ATOH8: variants seen among roughly 807,000 people sequenced by gnomAD.
ATOH8 encodes the protein atonal bHLH transcription factor 8.
ATOH8 carries 9 observed loss-of-function variants against 21.2 expected under a neutral mutation model. The observed-to-expected ratio is 0.42, with a 90% CI of 0.26 to 0.74. The LOEUF is 0.74. ATOH8 is among the 30% of genes least tolerant of loss of function. ATOH8 has a pLI of 0.24. For missense variants in ATOH8, 524 were observed against 470.9 expected, an observed-to-expected ratio of 1.11 and a Z score of -1.04; for synonymous variants, 253 against 224.0, an observed-to-expected ratio of 1.13 and a Z score of -1.16.
intron 2 of ATOH8, among the ~76,000 whole-genome samples, chr2:85,778,795 C>A (rs1680404985): frequency 1.3e-5 from 2 of 152,200 alleles, no homozygotes; most frequent in Non-Finnish European, 2.9e-5. Flanking sequence ...CTGATGGGGA[C>A]CCTCCACCGT....
intron 2 of ATOH8, among the ~76,000 whole-genome samples, chr2:85,779,206 C>T (rs914880212): frequency 1.3e-5 from 2 of 152,258 alleles, no homozygotes; most frequent in Admixed American, 6.5e-5. Context: ...CGGACAGCAT[C>T]GCAGGATGGA....
chr2:85,776,447 G>A (rs929589188), intron 2 of ATOH8, among the ~76,000 whole-genome samples: 3 of 152,238 alleles, frequency 2.0e-5, no homozygotes, highest in African/African-American at 7.2e-5. Context: ...GTCAACTGGA[G>A]GCACAGCACT....
At chr2:85,758,045 C>T (rs994208192) in intron 1 of ATOH8, among the ~76,000 whole-genome samples, 1 of 152,100 alleles carries the variant, frequency 6.6e-6, no homozygotes, top group African/African-American at 2.4e-5. Flanking sequence ...CCTCTGTCTC[C>T]CAAAGTGCTA....
intron 2 of ATOH8, among the ~76,000 whole-genome samples, chr2:85,779,342 G>T (rs1248935077): frequency 6.6e-6 from 1 of 152,246 alleles, no homozygotes; most frequent in East Asian, 1.9e-4. Flanking sequence ...TGGATATGGA[G>T]AGAAAAACAA....
rs1309429940 is a variant in ATOH8 at position 85,763,921 on chromosome 2, G to A, written c.769-70G>A. On this transcript the variant is annotated intron_variant, in intron 1 of 2. Coordinates refer to ENST00000306279, the MANE Select transcript of ATOH8 (RefSeq NM_032827.7). ...GGAGGGCTCAGATATACCATAGACA[G>A]GCCGTCTCCCATGCCTGCCAGGCTG... The A allele has an allele frequency of 7.4e-6, 11 of 1,480,802 alleles. No homozygotes were observed. In the Admixed American group the frequency reaches 9.4e-5, roughly 13 times the overall value. The allele number at this position is 1,480,802 out of a possible 1,614,324, so 91.7% of individuals were successfully genotyped here.
In ATOH8 at chr2:85,754,127, C is replaced by T. The variant is rs1679585946; in HGVS notation, c.-63C>T. On this transcript the variant is annotated 5_prime_UTR_variant, in exon 1 of 3. Coordinates refer to ENST00000306279, the MANE Select transcript of ATOH8 (RefSeq NM_032827.7). ...CGAAGCGGGAGAGCCAGAGACTCCT[C>T]GGCGCTGAGCGCGGCGGCGGCCCGG... The T allele has an allele frequency of 2.8e-6, 4 of 1,410,242 alleles. No individual in the cohort carries two copies. Among genetic ancestry groups the T allele is most frequent in the Non-Finnish European group, 3.7e-6 (4 of 1,088,074 alleles). The allele number at this position is 1,410,242 out of a possible 1,614,324, so 87.4% of individuals were successfully genotyped here.
chr2:85,767,580 T>TCCTTCCCTCCCCTGCCCTCCCTTCC (rs1558611972), intron 2 of ATOH8, among the ~76,000 whole-genome samples: 1 of 79,234 alleles, frequency 1.3e-5, no homozygotes, highest in Non-Finnish European at 2.5e-5. Context: ...CCCTCCCCTC[T>TCCTTCCCTCCCCTGCCCTCCCTTCC]CCTTCCCTTC....
Position 85,754,837 on chromosome 2 carries a change from A to T in ATOH8, c.648A>T (p.Glu216Asp). 1 of 1,612,586 alleles carries T rather than the reference A, an allele frequency of 6.2e-7. No individual in the cohort carries two copies. The highest frequency in any genetic ancestry group is 2.2e-5 in the East Asian group (1 of 44,864). ...SSASPRKRPG[E>D]ATAASSEIKA... ...CGTCGCCTAGGAAACGACCGGGCGA[A>T]GCGACTGCCGCCTCCTCCGAGATCA... is the stretch of plus-strand genomic sequence containing the variant. Residue 216 changes from glutamate (E) to aspartate (D), a missense_variant, in exon 1 of 3, where the codon GAA (glutamate) becomes GAT (aspartate). Physicochemically the swap from Glu to Asp is conservative, Grantham distance 45. Coordinates refer to ENST00000306279, the MANE Select transcript of ATOH8 (RefSeq NM_032827.7).
chr2:85,765,508 C>T (rs901357971), intron 2 of ATOH8, among the ~76,000 whole-genome samples: 3 of 152,228 alleles, frequency 2.0e-5, no homozygotes, highest in Admixed American at 6.5e-5. Flanking sequence ...GCGCCACTGG[C>T]GGCTCTGGGC....
At chr2:85,776,392 G>C (rs1680322424) in intron 2 of ATOH8, among the ~76,000 whole-genome samples, 1 of 152,238 alleles carries the variant, frequency 6.6e-6, no homozygotes, top group Non-Finnish European at 1.5e-5. Context: ...ATGGATAAAA[G>C]CAGGTGAGGA....
At chr2:85,776,157 G>A (rs1680315550) in intron 2 of ATOH8, among the ~76,000 whole-genome samples, 1 of 152,200 alleles carries the variant, frequency 6.6e-6, no homozygotes, top group Admixed American at 6.5e-5. Context: ...AGTCGCCCAG[G>A]CTCAAGCAGC....
chr2:85,757,229 C>T (rs932679747), intron 1 of ATOH8, among the ~76,000 whole-genome samples: 18 of 152,350 alleles, frequency 1.2e-4, no homozygotes, highest in East Asian at 7.7e-4. Context: ...ACAGCCAGGA[C>T]GTTTCTGGTC....
intron 2 of ATOH8, among the ~76,000 whole-genome samples, chr2:85,771,549 T>A (rs1335849708): frequency 6.6e-6 from 1 of 152,096 alleles, no homozygotes; most frequent in Non-Finnish European, 1.5e-5. Flanking sequence ...GGACCAACCT[T>A]TCTGAGTGAG....
intron 1 of ATOH8, 95 bp from the exon 2 acceptor site, chr2:85,763,896 G>A (rs1459313347): frequency 2.6e-5 from 30 of 1,132,766 alleles, no homozygotes; most frequent in Non-Finnish European, 3.4e-5. Context: ...AGATTAGGGT[G>A]GAGGGCTCAG....
At chr2:85,776,473 G>T (rs1456548805) in intron 2 of ATOH8, among the ~76,000 whole-genome samples, 2 of 152,234 alleles carry the variant, frequency 1.3e-5, no homozygotes, top group African/African-American at 4.8e-5. Context: ...AGGGTCACTG[G>T]AGGCCACTGC....
intron 2 of ATOH8, among the ~76,000 whole-genome samples, chr2:85,776,210 ACCG>A (rs1680318398): frequency 1.3e-5 from 2 of 152,146 alleles, no homozygotes; most frequent in Admixed American, 1.3e-4. Context: ...AATCCAGGCC[ACCG>A]CTGTCCTCTG....
Position 85,766,976 on chromosome 2 carries a change from G to A in ATOH8, c.960+2794G>A, listed in dbSNP as rs180884943. 2.2e-3 allele frequency among the ~76,000 whole-genome samples: 336 copies of A among 152,274 alleles called. 2 individuals carry two copies. Among genetic ancestry groups the A allele is most frequent in the Admixed American group, 5.1e-3 (78 of 15,308 alleles). On this transcript the variant is annotated intron_variant, in intron 2 of 2. Coordinates refer to ENST00000306279, the MANE Select transcript of ATOH8 (RefSeq NM_032827.7). This position sits in a 1 kb window ranked among gnomAD's most constrained non-coding sequence, Gnocchi z 4.0. ...GAGTGGACTCATGGGCCCTGACACC[G>A]AGGGGGCCTGAAGCCCCAGGGGAGG...
At chr2:85,774,157 T>G (rs1680265906) in intron 2 of ATOH8, 1 of 985,378 alleles carries the variant, frequency 1.0e-6, no homozygotes, top group Non-Finnish European at 1.2e-6. Context: ...GAAGTTGGTC[T>G]TCGTGGGGCC....
intron 2 of ATOH8, among the ~76,000 whole-genome samples, chr2:85,784,751 C>T (rs142237717): frequency 9.9e-5 from 15 of 152,208 alleles, no homozygotes; most frequent in Non-Finnish European, 1.5e-4. Context: ...CTCCCCTCCC[C>T]TCACTGTACA....
Sources: allele counts gnomAD v4.1 joint callset (sites outside exome capture counted in the v4.1 genomes callset), GRCh38; gene constraint gnomAD v4.1.1; non-coding constraint Gnocchi (gnomAD v3.1); transcripts MANE v1.5; gene names NCBI Gene and HGNC (gene_info 2026-07-23, HGNC 2026-07-21).